Variants in LOC400499 observed in about 807,000 individuals in gnomAD.
the LOC400499 span, among the ~76,000 whole-genome samples, chr16:11,442,978 T>C: frequency 6.6e-6 from 1 of 152,130 alleles, no homozygotes; most frequent in Non-Finnish European, 1.5e-5. Flanking sequence ...TGGGTCTCAA[T>C]GCTCAACAGC....
At chr16:11,419,291 C>T in the LOC400499 span, among the ~76,000 whole-genome samples, 31 of 152,052 alleles carry the variant, frequency 2.0e-4, no homozygotes, top group South Asian at 2.7e-3. Flanking sequence ...TCAGAAATAA[C>T]GCCGCTTATC....
At chr16:11,452,206 T>G in the LOC400499 span, among the ~76,000 whole-genome samples, 8 of 16,334 alleles carry the variant, frequency 4.9e-4, no homozygotes, top group Non-Finnish European at 2.1e-3. Context: ...TTTTTGTTTG[T>G]TTTTTTTTTT....
chr16:11,436,080 C>A, the LOC400499 span, among the ~76,000 whole-genome samples: 1 of 152,184 alleles, frequency 6.6e-6, no homozygotes, highest in African/African-American at 2.4e-5. Context: ...CAGCTCCTGG[C>A]CCAGGGGTAC....
At chr16:11,464,417 T>G in the LOC400499 span, among the ~76,000 whole-genome samples, 30 of 152,352 alleles carry the variant, frequency 2.0e-4, no homozygotes, top group African/African-American at 7.2e-4. Flanking sequence ...CGGAACACTT[T>G]GCAGTTAAAG....
chr16:11,481,442 T>G, the LOC400499 span, among the ~76,000 whole-genome samples: 1 of 150,866 alleles, frequency 6.6e-6, no homozygotes, highest in African/African-American at 2.4e-5. Flanking sequence ...CCTGCCTCAG[T>G]CTCTTGATTA....
chr16:11,490,470 C>T, the LOC400499 span, among the ~76,000 whole-genome samples: 11 of 148,958 alleles, frequency 7.4e-5, no homozygotes, highest in Non-Finnish European at 1.2e-4. Flanking sequence ...GAGGCTGAGG[C>T]GGGCAGATCA....
the LOC400499 span, chr16:11,380,959 A>G: frequency 6.3e-6 from 1 of 159,524 alleles, no homozygotes; most frequent in East Asian, 1.8e-4. Context: ...TGGCTGGTAG[A>G]CCATGAAGTT....
At chr16:11,383,641 C>T in the LOC400499 span, 4 of 1,232,124 alleles carry the variant, frequency 3.2e-6, no homozygotes, top group Non-Finnish European at 4.0e-6. Context: ...GGGCAGCTTA[C>T]CACACTGTGG....
chr16:11,387,949 T>G, the LOC400499 span, among the ~76,000 whole-genome samples: 1 of 152,012 alleles, frequency 6.6e-6, no homozygotes, highest in South Asian at 2.1e-4. Flanking sequence ...TTTCTACAGT[T>G]TAGGGGAGGA....
At chr16:11,414,139 G>C in the LOC400499 span, among the ~76,000 whole-genome samples, 9 of 152,232 alleles carry the variant, frequency 5.9e-5, no homozygotes, top group African/African-American at 2.2e-4. Flanking sequence ...ATCCACACCA[G>C]CCCTGTGATT....
At chr16:11,465,720 C>CG in the LOC400499 span, among the ~76,000 whole-genome samples, 11 of 149,944 alleles carry the variant, frequency 7.3e-5, no homozygotes, top group South Asian at 8.4e-4. Context: ...CTGCAGTGAT[C>CG]TACGATCACT....
chr16:11,399,285 C>T, the LOC400499 span: 6 of 975,474 alleles, frequency 6.2e-6, no homozygotes, highest in Admixed American at 6.2e-5. Context: ...AGAGCCCTCA[C>T]CACATCCCAG....
At chr16:11,510,676 C>G in the LOC400499 span, among the ~76,000 whole-genome samples, 1 of 151,586 alleles carries the variant, frequency 6.6e-6, no homozygotes, top group Non-Finnish European at 1.5e-5. Context: ...CCCCAGAGCC[C>G]CGGCAGTGCT....
the LOC400499 span, chr16:11,460,481 T>A: frequency 6.6e-7 from 1 of 1,522,552 alleles, no homozygotes; most frequent in Non-Finnish European, 8.8e-7. Flanking sequence ...ACCCACCTTG[T>A]GGCTGAAGGC....
chr16:11,403,428 T>G, the LOC400499 span, among the ~76,000 whole-genome samples: 3 of 152,276 alleles, frequency 2.0e-5, no homozygotes, highest in Admixed American at 1.3e-4. Context: ...CACACAGGCA[T>G]GCACACACGT....
the LOC400499 span, among the ~76,000 whole-genome samples, chr16:11,465,948 TG>T: frequency 6.6e-6 from 1 of 152,212 alleles, no homozygotes; most frequent in African/African-American, 2.4e-5. Context: ...ATATAAACCT[TG>T]TGGCCTGGGA....
chr16:11,372,612 C>T, the LOC400499 span: 47 of 423,788 alleles, frequency 1.1e-4, no homozygotes, highest in African/African-American at 7.3e-4. Flanking sequence ...CTGAGTTTCC[C>T]GGCATTCCAT....
the LOC400499 span, among the ~76,000 whole-genome samples, chr16:11,451,301 C>A: frequency 6.6e-6 from 1 of 152,168 alleles, no homozygotes; most frequent in Non-Finnish European, 1.5e-5. Flanking sequence ...ATTGGAAGGT[C>A]AAGCGCAGTG....
the LOC400499 span, among the ~76,000 whole-genome samples, chr16:11,378,192 C>G: frequency 6.6e-6 from 1 of 150,490 alleles, no homozygotes; most frequent in South Asian, 2.1e-4. Context: ...TGGCCTCGGC[C>G]TTCCAAGTAG....
Sources: gnomAD v4.1 joint callset for allele counts (sites outside exome capture counted in the v4.1 genomes callset) on GRCh38, gnomAD v4.1.1 for gene constraint, MANE v1.5 for transcripts.